The following GALNT17 variants were observed in gnomAD, a reference collection of about 807,000 sequenced individuals.
The protein encoded by GALNT17 is UDP-GalNAc:polypeptide N-acetylgalactosaminyltransferase-like 3.
GALNT17 carries 29 observed loss-of-function variants against 63.7 expected under a neutral mutation model. The ratio of observed to expected loss-of-function variants is 0.46; its 90% CI spans 0.34 to 0.62. The LOEUF (loss-of-function observed/expected upper bound fraction) is 0.62, where lower values mean the gene tolerates loss of function less well. Among genes scored for constraint, GALNT17 ranks in the 20% least tolerant of loss-of-function variants. The pLI is 0.01. For missense variants in GALNT17, 603 were observed against 799.6 expected, an observed-to-expected ratio of 0.75 and a Z score of 2.97; for synonymous variants, 305 against 318.3, an observed-to-expected ratio of 0.96 and a Z score of 0.45.
At chr7:71,275,323 C>T (rs532788502) in intron 1 of GALNT17, among the ~76,000 whole-genome samples, 12 of 152,164 alleles carry the variant, frequency 7.9e-5, no homozygotes, top group South Asian at 6.2e-4. Flanking sequence ...CTCAGCACTT[C>T]GGGAGGCTGA....
chr7:71,621,672 T>C (rs958464061), intron 6 of GALNT17, among the ~76,000 whole-genome samples: 1 of 152,222 alleles, frequency 6.6e-6, no homozygotes, highest in Non-Finnish European at 1.5e-5. Flanking sequence ...CTAGGCTAGA[T>C]GGATGGATGG....
At chr7:71,300,080 G>A (rs1791166093) in intron 1 of GALNT17, among the ~76,000 whole-genome samples, 1 of 152,138 alleles carries the variant, frequency 6.6e-6, no homozygotes, top group Non-Finnish European at 1.5e-5. Flanking sequence ...ACCCTGCCCT[G>A]GAGGGAATGT....
chr7:71,260,744 G>A (rs1182916603), intron 1 of GALNT17, among the ~76,000 whole-genome samples: 1 of 151,820 alleles, frequency 6.6e-6, no homozygotes, highest in Admixed American at 6.6e-5. Flanking sequence ...ACAGGTACAT[G>A]CCAACACATC....
intron 1 of GALNT17, among the ~76,000 whole-genome samples, chr7:71,295,764 A>C (rs1321680487): frequency 6.6e-6 from 1 of 151,932 alleles, no homozygotes; most frequent in Non-Finnish European, 1.5e-5. Context: ...ATGCCTGGCC[A>C]ATTAAAAAAA....
chr7:71,236,313 A>G (rs1355767575), intron 1 of GALNT17, among the ~76,000 whole-genome samples: 2 of 152,150 alleles, frequency 1.3e-5, no homozygotes, highest in Non-Finnish European at 2.9e-5. Context: ...TTTAATTTTC[A>G]ATGGTGTAAA....
chr7:71,631,636 C>T (rs888802616), intron 6 of GALNT17, among the ~76,000 whole-genome samples: 6 of 151,906 alleles, frequency 3.9e-5, no homozygotes, highest in African/African-American at 9.7e-5. Context: ...CCACTGTGGC[C>T]GGAGTGGCAT....
chr7:71,560,466 C>T (rs948710029), intron 5 of GALNT17, among the ~76,000 whole-genome samples: 54 of 152,162 alleles, frequency 3.5e-4, no homozygotes, highest in African/African-American at 1.3e-3. Flanking sequence ...GGAAGGAGAG[C>T]ATGGGAGTAT....
intron 6 of GALNT17, among the ~76,000 whole-genome samples, chr7:71,640,289 A>AT: frequency 6.6e-6 from 1 of 152,200 alleles, no homozygotes; most frequent in South Asian, 2.1e-4. Flanking sequence ...TTGCAGGAAG[A>AT]TTTTTTTGTA....
chr7:71,376,110 A>C (rs2116294608), intron 2 of GALNT17, among the ~76,000 whole-genome samples: 1 of 152,198 alleles, frequency 6.6e-6, no homozygotes, highest in African/African-American at 2.4e-5. Flanking sequence ...GAAAAAAAAG[A>C]ATCTTACTGG....
intron 5 of GALNT17, among the ~76,000 whole-genome samples, chr7:71,518,968 TCTTC>T (rs1240909922): frequency 6.6e-6 from 1 of 152,200 alleles, no homozygotes; most frequent in African/African-American, 2.4e-5. Context: ...AGACGTCATT[TCTTC>T]CTTCCAGAAA....
At chr7:71,495,693 G>A (rs1279787911) in intron 5 of GALNT17, among the ~76,000 whole-genome samples, 3 of 152,144 alleles carry the variant, frequency 2.0e-5, no homozygotes, top group African/African-American at 7.2e-5. Flanking sequence ...GTAACTGGAG[G>A]ATGCTTGATG....
chr7:71,187,282 CTTTCTTT>C, intron 1 of GALNT17, among the ~76,000 whole-genome samples: 1 of 141,090 alleles, frequency 7.1e-6, no homozygotes, highest in South Asian at 2.2e-4. Context: ...GCTAATTTTT[CTTTCTTT>C]TTTTTTTTTT....
chr7:71,594,421 C>T (rs889124486), intron 6 of GALNT17, among the ~76,000 whole-genome samples: 3 of 152,102 alleles, frequency 2.0e-5, no homozygotes, highest in Admixed American at 2.0e-4. Flanking sequence ...TCCTGAGTAG[C>T]TGGGACCGCA....
intron 6 of GALNT17, among the ~76,000 whole-genome samples, chr7:71,629,382 C>T (rs996704445): frequency 3.9e-5 from 6 of 152,186 alleles, no homozygotes; most frequent in Non-Finnish European, 8.8e-5. Context: ...ACCTATGCAC[C>T]CTGTCCTGAA....
At chr7:71,426,894 T>G (rs1023566942) in intron 5 of GALNT17, among the ~76,000 whole-genome samples, 1 of 150,780 alleles carries the variant, frequency 6.6e-6, no homozygotes, top group Non-Finnish European at 1.5e-5. Context: ...CACTCCAGCC[T>G]GGCTGACAGA....
At chr7:71,301,907 T>C (rs1296621051) in intron 1 of GALNT17, among the ~76,000 whole-genome samples, 1 of 152,216 alleles carries the variant, frequency 6.6e-6, no homozygotes, top group East Asian at 1.9e-4. Flanking sequence ...GAACCTGCTA[T>C]TGACAGTGAC....
chr7:71,645,372 G>A (rs974492211), intron 6 of GALNT17, among the ~76,000 whole-genome samples: 7 of 152,192 alleles, frequency 4.6e-5, no homozygotes, highest in African/African-American at 9.6e-5. Context: ...TATTGTGATA[G>A]TGAGTGAGTT....
At chr7:71,673,750 G>A (rs566406461) in intron 8 of GALNT17, among the ~76,000 whole-genome samples, 6 of 152,218 alleles carry the variant, frequency 3.9e-5, no homozygotes, top group East Asian at 3.9e-4. Context: ...AAGTAGCTGG[G>A]ACTACAGGTA....
At chr7:71,390,755 TTCCCAGCTGTC>T (rs1427488470) in intron 3 of GALNT17, among the ~76,000 whole-genome samples, 6 of 152,168 alleles carry the variant, frequency 3.9e-5, no homozygotes, top group Non-Finnish European at 7.3e-5. Flanking sequence ...TCCCACCTGT[TTCCCAGCTGTC>T]TCCAGCAGAG....
Sources: allele counts gnomAD v4.1 joint callset (sites outside exome capture counted in the v4.1 genomes callset), GRCh38; gene constraint gnomAD v4.1.1; transcripts MANE v1.5; gene names NCBI Gene and HGNC (gene_info 2026-07-23, HGNC 2026-07-21).